The following GPHN variants were observed in gnomAD, a reference collection of about 807,000 sequenced individuals.
GPHN encodes the protein gephyrin.
Under a neutral mutation model 95.5 loss-of-function variants are expected in GPHN, and 17 were observed. The ratio of observed to expected loss-of-function variants is 0.18; its 90% confidence interval spans 0.12 to 0.27. The LOEUF (loss-of-function observed/expected upper bound fraction) is 0.27, where lower values mean the gene tolerates loss of function less well. GPHN is among the 10% of genes least tolerant of loss of function. The probability of loss-of-function intolerance (pLI) is 1.00; values close to 1 mark genes in which losing one functional copy is unlikely to be tolerated. For synonymous variants in GPHN, 320 were observed against 322.5 expected (o/e 0.99, Z 0.08); for missense variants, 660 against 978.1 (o/e 0.67, Z 4.34).
the GPHN span, among the ~76,000 whole-genome samples, chr14:67,243,790 C>A: frequency 2.6e-5 from 4 of 152,152 alleles, no homozygotes; most frequent in Admixed American, 6.5e-5. Flanking sequence ...GCCACCGCGC[C>A]CAGCCCTTAT....
At chr14:67,602,907 TTTTAA>T in the GPHN span, among the ~76,000 whole-genome samples, 3 of 152,226 alleles carry the variant, frequency 2.0e-5, no homozygotes, top group African/African-American at 4.8e-5. Flanking sequence ...GATAACCATA[TTTTAA>T]TTTAGTTGAT....
chr14:67,506,231 G>A, the GPHN span, among the ~76,000 whole-genome samples: 1 of 152,096 alleles, frequency 6.6e-6, no homozygotes, highest in Non-Finnish European at 1.5e-5. Flanking sequence ...TAAAGCGGGT[G>A]TATTTTGTAC....
At chr14:67,690,725 G>A in the GPHN span, 38 of 402,690 alleles carry the variant, frequency 9.4e-5, no homozygotes, top group Admixed American at 5.3e-4. Context: ...GGCTCACGCC[G>A]GTAATCTCAG....
the GPHN span, chr14:67,397,834 C>G: frequency 1.2e-6 from 2 of 1,603,408 alleles, no homozygotes; most frequent in East Asian, 2.2e-5. Context: ...GCCCTATGGA[C>G]AGACAAGAAA....
the GPHN span, among the ~76,000 whole-genome samples, chr14:67,723,205 G>T: frequency 6.6e-6 from 1 of 152,168 alleles, no homozygotes; most frequent in Non-Finnish European, 1.5e-5. Context: ...ATTTCTAGAG[G>T]TGTCAAATAA....
At chr14:67,675,597 C>T in the GPHN span, among the ~76,000 whole-genome samples, 1 of 152,178 alleles carries the variant, frequency 6.6e-6, no homozygotes. Context: ...CCTAGGCTGC[C>T]TCGTGCACTT....
At chr14:66,540,576 C>A (rs776233289) in intron 1 of GPHN, among the ~76,000 whole-genome samples, 2 of 152,114 alleles carry the variant, frequency 1.3e-5, no homozygotes, top group Non-Finnish European at 2.9e-5. Flanking sequence ...AGGACTGAAA[C>A]CTTCTTATTG....
At chr14:67,189,837 A>ATTTTTTTTTTT in the GPHN span, 5 of 108,096 alleles carry the variant, frequency 4.6e-5, no homozygotes, top group East Asian at 2.6e-4. Context: ...ATTTTTTTTA[A>ATTTTTTTTTTT]TTTTTTTTTT....
chr14:66,648,512 G>A (rs1461903873), intron 1 of GPHN, among the ~76,000 whole-genome samples: 1 of 152,096 alleles, frequency 6.6e-6, no homozygotes, highest in African/African-American at 2.4e-5. Flanking sequence ...TGTATTTTCT[G>A]TGTTTAGATA....
At chr14:67,507,741 A>C in the GPHN span, among the ~76,000 whole-genome samples, 1 of 152,180 alleles carries the variant, frequency 6.6e-6, no homozygotes, top group South Asian at 2.1e-4. Context: ...GGCTCAGTTT[A>C]AGTTTTAAGA....
chr14:67,185,293 T>G (rs2083362780), downstream of GPHN, among the ~76,000 whole-genome samples: 1 of 152,162 alleles, frequency 6.6e-6, no homozygotes, highest in African/African-American at 2.4e-5. Context: ...AGGGCTGGAT[T>G]TAAGGACCCT....
chr14:67,569,069 G>GCA, the GPHN span: 1 of 1,079,652 alleles, frequency 9.3e-7, no homozygotes, highest in Non-Finnish European at 1.4e-6. Flanking sequence ...GCTTTTTCCT[G>GCA]CACATGCCTG....
At chr14:67,689,714 T>C in the GPHN span, among the ~76,000 whole-genome samples, 10 of 152,038 alleles carry the variant, frequency 6.6e-5, no homozygotes, top group Non-Finnish European at 1.3e-4. Context: ...GAGGCCAAGG[T>C]GGGTGGATCA....
intron 1 of GPHN, among the ~76,000 whole-genome samples, chr14:66,567,842 G>T (rs746726407): frequency 2.4e-4 from 36 of 151,884 alleles, no homozygotes; most frequent in Non-Finnish European, 4.7e-4. Flanking sequence ...TATATTGTGG[G>T]TATACTTATG....
the GPHN span, among the ~76,000 whole-genome samples, chr14:67,410,865 G>A: frequency 6.6e-6 from 1 of 152,082 alleles, no homozygotes; most frequent in African/African-American, 2.4e-5. Context: ...TTCAAATTAC[G>A]CTCTGTGTGG....
the GPHN span, among the ~76,000 whole-genome samples, chr14:67,273,116 TC>T: frequency 7.6e-6 from 1 of 131,670 alleles, no homozygotes; most frequent in Non-Finnish European, 1.5e-5. Flanking sequence ...GATATTTCTT[TC>T]TTTTTTTTTT....
chr14:67,585,599 TG>T, the GPHN span: 2 of 1,585,734 alleles, frequency 1.3e-6, no homozygotes, highest in Non-Finnish European at 1.7e-6. Flanking sequence ...GAGAACGCTC[TG>T]GTGTGGATTG....
At chr14:67,335,101 A>C in the GPHN span, 1 of 149,988 alleles carries the variant, frequency 6.7e-6, no homozygotes, top group Admixed American at 6.6e-5. Context: ...ATGCCATGCC[A>C]TACTTTTAGG....
the GPHN span, among the ~76,000 whole-genome samples, chr14:67,263,715 T>C: frequency 6.6e-6 from 1 of 152,192 alleles, no homozygotes; most frequent in African/African-American, 2.4e-5. Context: ...TGTAAACTGA[T>C]GATAACTTTG....
Sources: allele counts gnomAD v4.1 joint callset (sites outside exome capture counted in the v4.1 genomes callset), GRCh38; gene constraint gnomAD v4.1.1; transcripts MANE v1.5; gene names NCBI Gene and HGNC (gene_info 2026-07-23, HGNC 2026-07-21).